Variants in RARB observed in about 807,000 individuals in gnomAD.
RARB encodes the protein HBV-activated protein.
In RARB, 17 loss-of-function variants were observed where a neutral mutation model predicts 51.9. That is an observed-to-expected ratio of 0.33 (90% CI 0.22 to 0.49). The LOEUF (loss-of-function observed/expected upper bound fraction) is 0.49, where lower values mean the gene tolerates loss of function less well. Ranked by LOEUF, RARB falls within the 20% of genes least tolerant of loss-of-function variation. The pLI is 0.99. For synonymous variants in RARB, 215 were observed against 195.4 expected (o/e 1.10, Z -0.84); for missense variants, 369 against 550.8 (o/e 0.67, Z 3.30).
chr3:25,222,363 C>A lies in RARB; in HGVS notation c.178+47788C>A, dbSNP rs556771606. On this transcript the variant is annotated intron_variant, in intron 5 of 11. Coordinates refer to the RARB transcript ENST00000383772. The stretch of plus-strand genomic sequence containing the variant: ...CTTATTGCTGATGTTCTTACTCGTC[C>A]AAGGATGTTTGACTTTCATTTCTTC... Among the ~76,000 whole-genome samples, 101 of 152,192 alleles carry A rather than the reference C, an allele frequency of 6.6e-4. 2 individuals carry two copies. Among genetic ancestry groups the A allele is most frequent in the Middle Eastern group, 3.4e-3 (1 of 294 alleles).
chr3:25,092,668 T>A (rs1699219846), intron 3 of RARB, among the ~76,000 whole-genome samples: 1 of 152,192 alleles, frequency 6.6e-6, no homozygotes, highest in South Asian at 2.1e-4. Flanking sequence ...TTTTTAATTG[T>A]GCAGAAATTT....
At chr3:24,890,251 T>C (rs1268816471) in intron 2 of RARB, among the ~76,000 whole-genome samples, 2 of 152,166 alleles carry the variant, frequency 1.3e-5, no homozygotes, top group Non-Finnish European at 2.9e-5. Context: ...CACTCTCCTC[T>C]CTTCCCAGTT....
chr3:25,435,453 A>G (rs569111543), intron 1 of RARB, among the ~76,000 whole-genome samples: 29 of 152,360 alleles, frequency 1.9e-4, no homozygotes, highest in Admixed American at 1.4e-3. Context: ...CATGTCATCA[A>G]AGTCCATAAT....
At chr3:25,354,737 G>T (rs553436855) in intron 5 of RARB, among the ~76,000 whole-genome samples, 5 of 152,196 alleles carry the variant, frequency 3.3e-5, no homozygotes, top group Admixed American at 2.6e-4. Flanking sequence ...TTGGAGACAG[G>T]GTTAGATACA....
In RARB at chr3:25,597,849, T is replaced by C. The variant is rs2125335106; in HGVS notation, c.*1233T>C. On this transcript the variant is annotated 3_prime_UTR_variant, in exon 8 of 8. Coordinates refer to ENST00000330688, the MANE Select transcript of RARB (RefSeq NM_000965.5). ...TCTGTTTGTACATTGAGATTGTTTG[T>C]TTAACAATGCTTTCTATGTTCATAT... 1 of 152,776 alleles carries C rather than the reference T, an allele frequency of 6.5e-6. No individual in the cohort carries two copies. Among genetic ancestry groups the C allele is most frequent in the Non-Finnish European group, 1.5e-5 (1 of 68,076 alleles). The allele number at this position is 152,776 out of a possible 1,614,324, so 9.5% of individuals were successfully genotyped here.
intron 2 of RARB, among the ~76,000 whole-genome samples, chr3:24,943,420 G>C (rs1005781926): frequency 6.6e-6 from 1 of 152,054 alleles, no homozygotes; most frequent in Non-Finnish European, 1.5e-5. Flanking sequence ...TACCCCTTTA[G>C]GTCTAACGGC....
chr3:24,927,710 C>G (rs1170011075), intron 2 of RARB, among the ~76,000 whole-genome samples: 2 of 152,058 alleles, frequency 1.3e-5, no homozygotes, highest in Non-Finnish European at 2.9e-5. Context: ...TATAGACTCA[C>G]TAGTCTATTT....
chr3:25,560,233 G>A (rs1214099566), intron 3 of RARB, among the ~76,000 whole-genome samples: 4 of 152,124 alleles, frequency 2.6e-5, no homozygotes, highest in South Asian at 2.1e-4. Context: ...ATAGACTGGC[G>A]TAAACCATTT....
chr3:25,141,210 G>A (rs1442546635), intron 4 of RARB, among the ~76,000 whole-genome samples: 1 of 151,896 alleles, frequency 6.6e-6, no homozygotes, highest in Non-Finnish European at 1.5e-5. Flanking sequence ...TTAGACCCGG[G>A]AAACTCATAA....
At chr3:24,842,435 G>A (rs993627104) in intron 1 of RARB, among the ~76,000 whole-genome samples, 2 of 152,096 alleles carry the variant, frequency 1.3e-5, no homozygotes, top group African/African-American at 4.8e-5. Context: ...ATGATTTTGT[G>A]AGGAATTTGA....
At chr3:25,558,369 C>T (rs1253882885) in intron 3 of RARB, among the ~76,000 whole-genome samples, 3 of 152,166 alleles carry the variant, frequency 2.0e-5, no homozygotes, top group Non-Finnish European at 4.4e-5. Context: ...CTGGCGGCTA[C>T]TTGAACACTT....
intron 5 of RARB, among the ~76,000 whole-genome samples, chr3:25,410,805 T>A (rs1707541221): frequency 6.6e-6 from 1 of 152,228 alleles, no homozygotes; most frequent in African/African-American, 2.4e-5. Flanking sequence ...CAGCAAACAC[T>A]GCATATCAGG....
intron 2 of RARB, among the ~76,000 whole-genome samples, chr3:24,954,610 G>C (rs1695968916): frequency 6.6e-6 from 1 of 152,174 alleles, no homozygotes; most frequent in African/African-American, 2.4e-5. Flanking sequence ...TTGTAATCAA[G>C]TGACTATTTA....
intron 4 of RARB, among the ~76,000 whole-genome samples, chr3:25,146,982 C>T (rs1253931608): frequency 6.6e-6 from 1 of 152,102 alleles, no homozygotes; most frequent in African/African-American, 2.4e-5. Context: ...CTATGAATGC[C>T]TGGGCTATGT....
At chr3:25,208,279 T>A (rs1701606216) in intron 5 of RARB, among the ~76,000 whole-genome samples, 1 of 152,160 alleles carries the variant, frequency 6.6e-6, no homozygotes, top group African/African-American at 2.4e-5. Flanking sequence ...GATCCAAGGA[T>A]TTCAGTTTCA....
intron 5 of RARB, among the ~76,000 whole-genome samples, chr3:25,254,112 A>T (rs2125403393): frequency 6.6e-6 from 1 of 152,328 alleles, no homozygotes; most frequent in Admixed American, 6.5e-5. Context: ...CTAAGAGAAG[A>T]GTTGAAATAA....
intron 2 of RARB, among the ~76,000 whole-genome samples, chr3:25,031,064 G>GACA (rs1697863870): frequency 2.6e-5 from 4 of 152,170 alleles, no homozygotes; most frequent in Admixed American, 2.6e-4. Flanking sequence ...GGCATGATAT[G>GACA]TTTTGTTGCG....
chr3:25,559,564 C>T (rs1700192285), intron 3 of RARB, among the ~76,000 whole-genome samples: 1 of 152,224 alleles, frequency 6.6e-6, no homozygotes, highest in Non-Finnish European at 1.5e-5. Context: ...TACCTTCTTA[C>T]TCTTGTGTCT....
chr3:24,925,566 C>T (rs1363227546), intron 2 of RARB, among the ~76,000 whole-genome samples: 2 of 149,628 alleles, frequency 1.3e-5, no homozygotes, highest in Non-Finnish European at 3.0e-5. Context: ...TTCTTGATCC[C>T]AGGAGATCGA....
Sources: allele counts gnomAD v4.1 joint callset (sites outside exome capture counted in the v4.1 genomes callset), GRCh38; gene constraint gnomAD v4.1.1; transcripts MANE v1.5; gene names NCBI Gene and HGNC (gene_info 2026-07-23, HGNC 2026-07-21).